Variants in KIF14 observed in about 807,000 individuals in gnomAD.
KIF14 encodes the protein kinesin-like protein KIF14.
In KIF14, 98 loss-of-function variants were observed where a neutral mutation model predicts 176.2. The observed-to-expected ratio is 0.56, with a 90% CI of 0.47 to 0.66. The LOEUF (loss-of-function observed/expected upper bound fraction) is 0.66, where lower values mean the gene tolerates loss of function less well. Ranked by LOEUF, KIF14 falls within the 30% of genes least tolerant of loss-of-function variation. KIF14 has a pLI of 0.00. For missense variants in KIF14, 1,751 were observed against 1,920.4 expected, an observed-to-expected ratio of 0.91 and a Z score of 1.65; for synonymous variants, 566 against 632.2, an observed-to-expected ratio of 0.90 and a Z score of 1.57.
At chr1:200,564,260 CAA>C (rs57025286) in intron 25 of KIF14, among the ~76,000 whole-genome samples, 22 of 66,270 alleles carry the variant, frequency 3.3e-4, no homozygotes, top group Non-Finnish European at 3.7e-4. Flanking sequence ...GACTCCAGCT[CAA>C]AAAAAAAAAA....
At chr1:200,582,243 A>G (rs1010997511) in intron 19 of KIF14, among the ~76,000 whole-genome samples, 1 of 152,098 alleles carries the variant, frequency 6.6e-6, no homozygotes, top group Non-Finnish European at 1.5e-5. Flanking sequence ...GCAAGGAAGC[A>G]TGCACCTGTA....
At chr1:200,568,191 G>A (rs192341014) in intron 23 of KIF14, among the ~76,000 whole-genome samples, 2 of 152,246 alleles carry the variant, frequency 1.3e-5, no homozygotes, top group East Asian at 1.9e-4. Flanking sequence ...AAGTTCACAC[G>A]TGGGTTTCCA....
intron 14 of KIF14, among the ~76,000 whole-genome samples, chr1:200,596,229 C>T (rs566062465): frequency 6.6e-6 from 1 of 152,182 alleles, no homozygotes; most frequent in Admixed American, 6.5e-5. Flanking sequence ...GCCTGGGCAA[C>T]AGAGCAAAAC....
At chr1:200,567,382 A>G (rs1443534736) in intron 23 of KIF14, among the ~76,000 whole-genome samples, 3 of 151,784 alleles carry the variant, frequency 2.0e-5, no homozygotes, top group Admixed American at 1.3e-4. Flanking sequence ...TCTACTAAAA[A>G]TATTTTTAAA....
At chr1:200,568,723 T>C (rs112591375) in intron 23 of KIF14, among the ~76,000 whole-genome samples, 2,109 of 152,294 alleles carry the variant, frequency 0.014, 23 homozygotes, top group Non-Finnish European at 0.02. Flanking sequence ...AGTTCTAACC[T>C]ACTCTGGCTT....
chr1:200,581,242 A>C lies in KIF14; in HGVS notation c.3294T>G (p.Asn1098Lys). 6.2e-7 allele frequency: 1 copy of C among 1,605,582 alleles called. No homozygotes were observed. Among genetic ancestry groups the C allele is most frequent in the Non-Finnish European group, 8.5e-7 (1 of 1,176,652 alleles). The change falls in exon 20 of 30, where the codon AAT (asparagine) becomes AAG (lysine). Residue 1098 changes from asparagine (N) to lysine (K), a missense_variant. Coordinates refer to ENST00000367350, the MANE Select transcript of KIF14 (RefSeq NM_014875.3). The stretch of plus-strand genomic sequence containing the variant: ...ATGTTTTCAATTTGCTGCTGATAGC[A>C]TTGGCTTCCTGAATCATCATTGAGA... ...MKLSMMIQEA[N>K]AISSKLKTYY... is the part of the protein sequence containing the mutation.
In KIF14 at chr1:200,617,489, A is replaced by G. The variant is rs1660458348; in HGVS notation, c.1112+123T>C. The G allele has an allele frequency of 8.8e-6, 8 of 910,312 alleles. No homozygotes were observed. In the Admixed American group the frequency reaches 1.2e-4, roughly 14 times the overall value. The allele number at this position is 910,312 out of a possible 1,614,324, so 56.4% of individuals were successfully genotyped here. ...ACAACTAGACCTAAAAGTTCTTTCT[A>G]TATAAAAGTATTGCCAACAAGTTTG... is the stretch of plus-strand genomic sequence containing the variant. On this transcript the variant is annotated intron_variant, in intron 2 of 29. Coordinates refer to ENST00000367350, the MANE Select transcript of KIF14 (RefSeq NM_014875.3).
intron 2 of KIF14, among the ~76,000 whole-genome samples, chr1:200,616,190 C>T (rs1660398948): frequency 6.6e-6 from 1 of 152,098 alleles, no homozygotes; most frequent in African/African-American, 2.4e-5. Flanking sequence ...AGAAAAACAT[C>T]ATCACTCTTT....
chr1:200,577,689 G>A (rs913409861), intron 21 of KIF14, among the ~76,000 whole-genome samples: 1 of 150,798 alleles, frequency 6.6e-6, no homozygotes, highest in African/African-American at 2.4e-5. Context: ...AACGGAGTGA[G>A]ACTCCGTCTC....
chr1:200,609,266 G>C (rs372218223), intron 4 of KIF14, among the ~76,000 whole-genome samples: 2 of 152,182 alleles, frequency 1.3e-5, no homozygotes, highest in African/African-American at 4.8e-5. Flanking sequence ...TGAGGATGTG[G>C]AGAAACTGGA....
At chr1:200,567,488 T>C (rs10800709) in intron 23 of KIF14, among the ~76,000 whole-genome samples, 118,554 of 149,288 alleles carry the variant, frequency 0.79, 47,401 homozygotes, top group African/African-American at 0.89. Flanking sequence ...CAGCTGAGAT[T>C]GCGCCACTGC....
At chr1:200,585,454 A>T (rs1353061651) in intron 19 of KIF14, among the ~76,000 whole-genome samples, 1 of 152,250 alleles carries the variant, frequency 6.6e-6, no homozygotes, top group African/African-American at 2.4e-5. Context: ...GACTAAGCAC[A>T]ACTATTAACA....
chr1:200,561,270 G>A (rs1657137674), intron 25 of KIF14, among the ~76,000 whole-genome samples: 1 of 148,592 alleles, frequency 6.7e-6, no homozygotes, highest in African/African-American at 2.5e-5. Context: ...CCCGGACACG[G>A]TGGCTCATGC....
At position 200,553,270 on chromosome 1, in the gene KIF14, T is replaced by C. The variant is rs1042292583; in HGVS notation, c.*118A>G. ...TAGATATTTTAAAGATAAAAAGACATGGACTTTTTTGAAATATCTGTGCTG... is the reference window on the plus strand; with the variant it reads ...TAGATATTTTAAAGATAAAAAGACACGGACTTTTTTGAAATATCTGTGCTG... On this transcript the variant is annotated 3_prime_UTR_variant, in exon 30 of 30. Transcript: ENST00000367350. The C allele has an allele frequency of 5.1e-5, 54 of 1,068,006 alleles. No individual in the cohort carries two copies. The South Asian group carries it at 8.1e-4, about 16-fold the overall frequency. The allele number at this position is 1,068,006 out of a possible 1,614,324, so 66.2% of individuals were successfully genotyped here. A position where few individuals can be genotyped will look rare whatever the true frequency, so the allele number is the denominator to read the frequency against.
At chr1:200,614,003 C>G (rs575452459) in intron 4 of KIF14, among the ~76,000 whole-genome samples, 8 of 152,300 alleles carry the variant, frequency 5.3e-5, no homozygotes, top group African/African-American at 1.7e-4. Context: ...AACTGTACAC[C>G]TATCTGACTA....
At position 200,615,435 on chromosome 1, in the gene KIF14, T is replaced by C; in HGVS notation, c.1287A>G (p.Ala429=). ...SQTTVYEKLA[A]PLLERAFEGF... ...CTTCGAAGGCTCTTTCTAGGAGTGG[T>C]GCTGCTAGCTTCTCATAGACAGTTG... The change falls in exon 3 of 30, where the codon GCA becomes GCG. Residue 429 remains alanine (A), a synonymous_variant. Transcript: ENST00000367350. 6.2e-7 allele frequency: 1 copy of C among 1,613,942 alleles called. No homozygotes were observed.
chr1:200,563,975 A>G (rs1052305012), intron 25 of KIF14, among the ~76,000 whole-genome samples: 3 of 152,002 alleles, frequency 2.0e-5, no homozygotes, highest in African/African-American at 7.3e-5. Flanking sequence ...AAGAAGGCAA[A>G]CTTCAGCCGG....
At chr1:200,612,726 A>T (rs2102769887) in intron 4 of KIF14, among the ~76,000 whole-genome samples, 1 of 152,248 alleles carries the variant, frequency 6.6e-6, no homozygotes, top group Non-Finnish European at 1.5e-5. Context: ...GTGATCTCAA[A>T]AAATGACATC....
chr1:200,556,976 C>T (rs1464454114), intron 27 of KIF14, among the ~76,000 whole-genome samples: 1 of 152,068 alleles, frequency 6.6e-6, no homozygotes, highest in Non-Finnish European at 1.5e-5. Context: ...AATTTAGTAA[C>T]AATGTGTTTT....
Sources: allele counts gnomAD v4.1 joint callset (sites outside exome capture counted in the v4.1 genomes callset), GRCh38; gene constraint gnomAD v4.1.1; transcripts MANE v1.5; gene names NCBI Gene and HGNC (gene_info 2026-07-23, HGNC 2026-07-21).